LRRC36: variants seen among roughly 807,000 people sequenced by gnomAD.
LRRC36 encodes leucine-rich repeat-containing protein 36.
In LRRC36, 62 loss-of-function variants were observed where a neutral mutation model predicts 81.1. The observed-to-expected ratio is 0.76, with a 90% CI of 0.62 to 0.94. The LOEUF (loss-of-function observed/expected upper bound fraction) is 0.94. Among genes scored for constraint, LRRC36 ranks in the 40% least tolerant of loss-of-function variants. The pLI is 0.00. For synonymous variants in LRRC36, 334 were observed against 348.6 expected (o/e 0.96, Z 0.47); for missense variants, 761 against 881.7 (o/e 0.86, Z 1.73).
chr16:67,334,141 C>T (rs2037638668), intron 1 of LRRC36, among the ~76,000 whole-genome samples: 1 of 151,364 alleles, frequency 6.6e-6, no homozygotes. Flanking sequence ...ACACCATTCT[C>T]CTGCCTCAGC....
rs766898857 is a variant in LRRC36, at chr16:67,346,475, C to T, written c.391+27C>T. On this transcript the variant is annotated intron_variant, in intron 3 of 13. Transcript: ENST00000329956. ...TAAGACCTTCCTTCTCTGTTCCTGT[C>T]CACAGAATCTTACTTTAAATCAGCT... 9 of 1,467,058 alleles carry T rather than the reference C, an allele frequency of 6.1e-6. No homozygotes were observed. In the East Asian group the frequency reaches 2.1e-4, roughly 34 times the overall value. The allele number at this position is 1,467,058 out of a possible 1,614,324, so 90.9% of individuals were successfully genotyped here.
At chr16:67,350,961 C>G (rs571284500) in intron 5 of LRRC36, among the ~76,000 whole-genome samples, 2 of 152,268 alleles carry the variant, frequency 1.3e-5, no homozygotes, top group East Asian at 3.9e-4. Context: ...TCACTTGAAC[C>G]TGGGAGGCAG....
At chr16:67,371,564 A>G in intron 9 of LRRC36, 2 of 357,086 alleles carry the variant, frequency 5.6e-6, no homozygotes, top group Non-Finnish European at 1.1e-5. Flanking sequence ...CACACATGAA[A>G]TAGTTCTTAT....
intron 1 of LRRC36, among the ~76,000 whole-genome samples, chr16:67,340,774 TATACTCTATAGAATATATAC>T (rs2037998218): frequency 1.3e-5 from 2 of 148,856 alleles, no homozygotes; most frequent in African/African-American, 4.9e-5. Flanking sequence ...ATATACCACA[TATACTCTATAGAATATATAC>T]CACATATACT....
At chr16:67,372,305 C>T (rs572750448) in intron 9 of LRRC36, among the ~76,000 whole-genome samples, 4 of 151,054 alleles carry the variant, frequency 2.6e-5, no homozygotes, top group South Asian at 2.1e-4. Context: ...TGTGGTGAGC[C>T]GAGATCGCGC....
intron 5 of LRRC36, chr16:67,362,351 C>T (rs1451777588): frequency 9.2e-6 from 3 of 326,644 alleles, no homozygotes; most frequent in East Asian, 1.0e-4. Flanking sequence ...TTAGTAGAGA[C>T]GGGATTTCAC....
At chr16:67,333,196 C>T (rs898859160) in intron 1 of LRRC36, among the ~76,000 whole-genome samples, 2 of 152,026 alleles carry the variant, frequency 1.3e-5, no homozygotes, top group African/African-American at 2.4e-5. Flanking sequence ...TGCAGTGGCC[C>T]GACCTCAGCT....
In LRRC36 at chr16:67,375,303, C is replaced by G. The variant is rs759258986; in HGVS notation, c.1551C>G (p.Pro517=). 19 of 1,612,800 alleles carry G rather than the reference C, an allele frequency of 1.2e-5. No individual in the cohort carries two copies. Among genetic ancestry groups the G allele is most frequent in the Non-Finnish European group, 1.6e-5 (19 of 1,179,790 alleles). ...GTTTGGCTGGAAACCACAGTCCCCC[C>G]ATCTCTGCCAGAACCCCCCATGTGG... ...LHGLAGNHSP[P]ISARTPHVAT... is the part of the protein sequence containing the mutation. Residue 517 remains proline, a synonymous_variant, in exon 10 of 14, where the codon CCC becomes CCG. Coordinates refer to ENST00000329956, the MANE Select transcript of LRRC36 (RefSeq NM_018296.6).
chr16:67,327,119 A>G, intron 1 of LRRC36, 187 bp downstream of exon 1: 1 of 526,446 alleles, frequency 1.9e-6, no homozygotes, highest in South Asian at 3.2e-5. Flanking sequence ...GGAGGAACTG[A>G]AGTAACGGGA....
intron 13 of LRRC36, among the ~76,000 whole-genome samples, chr16:67,382,895 T>C (rs1349039405): frequency 6.6e-6 from 1 of 152,020 alleles, no homozygotes; most frequent in Non-Finnish European, 1.5e-5. Flanking sequence ...AAAATCTACT[T>C]TTAGCAAGAT....
intron 5 of LRRC36, among the ~76,000 whole-genome samples, chr16:67,360,512 C>G (rs2039095565): frequency 6.6e-6 from 1 of 152,204 alleles, no homozygotes; most frequent in Non-Finnish European, 1.5e-5. Context: ...CTCATTTGCA[C>G]AAAAGCTGTG....
chr16:67,380,934 C>T (rs1010128320), intron 12 of LRRC36, among the ~76,000 whole-genome samples: 1 of 152,086 alleles, frequency 6.6e-6, no homozygotes, highest in Admixed American at 6.6e-5. Context: ...AAGCATATTA[C>T]AGTTTAAGGC....
chr16:67,375,278 GT>G lies in LRRC36; in HGVS notation c.1529del (p.Leu510TrpfsTer55). On this transcript the variant is annotated frameshift_variant, in exon 10 of 14. Coordinates refer to ENST00000329956, the MANE Select transcript of LRRC36 (RefSeq NM_018296.6). LOFTEE classifies it high-confidence loss of function. ...TCTAGTGACCTGGGTAGTTTGCACG[GT>G]TTGGCTGGAAACCACAGTCCCCCCA... ...PLSSDLGSLH[G>X]LAGNHSPPIS... The G allele has an allele frequency of 6.2e-7, 1 of 1,612,510 alleles. No individual in the cohort carries two copies. The highest frequency in any genetic ancestry group is 1.1e-5 in the South Asian group (1 of 91,054).
chr16:67,331,273 C>T (rs867001085), intron 1 of LRRC36, among the ~76,000 whole-genome samples: 4 of 152,076 alleles, frequency 2.6e-5, no homozygotes, highest in Non-Finnish European at 5.9e-5. Flanking sequence ...CTGGGCATGG[C>T]GGCTTACACA....
chr16:67,363,741 T>C, intron 6 of LRRC36, 27 bp downstream of exon 6: 1 of 1,609,298 alleles, frequency 6.2e-7, no homozygotes, highest in South Asian at 1.1e-5. Flanking sequence ...CCTGCTGATC[T>C]GTTGACTAGT....
chr16:67,350,145 G>A (rs1486720366), intron 4 of LRRC36, 57 bp from the exon 5 acceptor site: 16 of 1,210,038 alleles, frequency 1.3e-5, no homozygotes, highest in Non-Finnish European at 1.9e-5. Flanking sequence ...ATTTACTGGT[G>A]ATCTCAGAAG....
chr16:67,350,169 T>G, intron 4 of LRRC36, 33 bp from the exon 5 acceptor site: 2 of 1,463,836 alleles, frequency 1.4e-6, no homozygotes, highest in Non-Finnish European at 1.9e-6. Flanking sequence ...TTTTTTTTTT[T>G]TTGAGTTGTA....
chr16:67,343,460 G>T (rs1219680815), intron 2 of LRRC36, among the ~76,000 whole-genome samples: 2 of 152,062 alleles, frequency 1.3e-5, no homozygotes, highest in African/African-American at 4.8e-5. Context: ...ACTTTGGGAG[G>T]CCAAGGTGGG....
chr16:67,378,573 G>T lies in LRRC36; in HGVS notation c.1807-16G>T, dbSNP rs775064179. On this transcript the variant is annotated splice_polypyrimidine_tract_variant and intron_variant, in intron 11 of 13. Transcript: ENST00000329956. ...CAGATTCTTAATGTATTTGTATTTTGTTTTCTAATCTAAAGGAAAGTTTGA... is the reference window on the plus strand; with the variant it reads ...CAGATTCTTAATGTATTTGTATTTTTTTTTCTAATCTAAAGGAAAGTTTGA... 6.2e-7 allele frequency: 1 copy of T among 1,612,370 alleles called. No homozygotes were observed. The highest frequency in any genetic ancestry group is 8.5e-7 in the Non-Finnish European group (1 of 1,178,884).
Sources: gnomAD v4.1 joint callset for allele counts (sites outside exome capture counted in the v4.1 genomes callset) on GRCh38, gnomAD v4.1.1 for gene constraint, MANE v1.5 for transcripts, NCBI Gene and HGNC (gene_info 2026-07-23, HGNC 2026-07-21) for gene names.